Variants in PUM2 observed in about 807,000 individuals in gnomAD.
PUM2 encodes pumilio homolog 2.
PUM2 carries 57 observed loss-of-function variants against 124.5 expected under a neutral mutation model. That is an observed-to-expected ratio of 0.46 (90% confidence interval 0.37 to 0.57). The LOEUF is 0.57. PUM2 is among the 20% of genes least tolerant of loss of function. PUM2 has a pLI of 0.00. For synonymous variants in PUM2, 460 were observed against 446.1 expected, an observed-to-expected ratio of 1.03 and a Z score of -0.39; for missense variants, 1,065 against 1,290.6, an observed-to-expected ratio of 0.83 and a Z score of 2.68.
At chr2:20,336,681 T>TTGTGTG (rs113658730) in intron 1 of PUM2, among the ~76,000 whole-genome samples, 30,168 of 131,412 alleles carry the variant, frequency 0.23, 3,826 homozygotes, top group South Asian at 0.27. Flanking sequence ...CCTGGCTAAT[T>TTGTGTG]TGTGTGTGTG....
At chr2:20,303,846 CTGT>C (rs755089518) in intron 7 of PUM2, among the ~76,000 whole-genome samples, 9 of 152,306 alleles carry the variant, frequency 5.9e-5, no homozygotes, top group Non-Finnish European at 7.4e-5. Context: ...TCACAGCAAT[CTGT>C]TGTTTTAAGA....
chr2:20,350,296 C>G, intron 1 of PUM2: 1 of 233,366 alleles, frequency 4.3e-6, no homozygotes, highest in Non-Finnish European at 7.0e-6. Flanking sequence ...TCCAGCGCGC[C>G]GAATCGGAGG....
At chr2:20,259,055 ATATGATT>A (rs764520482) in intron 15 of PUM2, among the ~76,000 whole-genome samples, 10 of 152,210 alleles carry the variant, frequency 6.6e-5, no homozygotes, top group Non-Finnish European at 1.5e-4. Context: ...CTACATTCTG[ATATGATT>A]GAGGAAAAAA....
chr2:20,269,020 A>G (rs1274018810), intron 13 of PUM2, among the ~76,000 whole-genome samples: 1 of 152,136 alleles, frequency 6.6e-6, no homozygotes, highest in Non-Finnish European at 1.5e-5. Context: ...TATCCAAGAA[A>G]GCACAGCTAA....
intron 13 of PUM2, among the ~76,000 whole-genome samples, chr2:20,273,340 C>G (rs903344445): frequency 5.3e-5 from 8 of 152,122 alleles, no homozygotes; most frequent in Admixed American, 1.3e-4. Flanking sequence ...AAGTCTACTA[C>G]GAGGCATTTT....
intron 13 of PUM2, among the ~76,000 whole-genome samples, chr2:20,265,851 TATC>T (rs1452255473): frequency 7.4e-6 from 1 of 134,502 alleles, no homozygotes; most frequent in East Asian, 2.0e-4. Flanking sequence ...TACTATTTCT[TATC>T]ATTACCTCAA....
chr2:20,292,439 T>C (rs986672049), intron 9 of PUM2, among the ~76,000 whole-genome samples: 1 of 151,956 alleles, frequency 6.6e-6, no homozygotes, highest in Non-Finnish European at 1.5e-5. Flanking sequence ...CTCAGCTCAC[T>C]GCAACCTCTA....
At chr2:20,279,771 A>C (rs1247829964) in intron 12 of PUM2, among the ~76,000 whole-genome samples, 1 of 152,138 alleles carries the variant, frequency 6.6e-6, no homozygotes, top group Non-Finnish European at 1.5e-5. Context: ...GTTAATCAAC[A>C]CCTGTCTGGA....
chr2:20,275,790 A>G (rs897131471), intron 13 of PUM2, among the ~76,000 whole-genome samples: 9 of 152,102 alleles, frequency 5.9e-5, no homozygotes, highest in African/African-American at 2.2e-4. Flanking sequence ...AGAGTGTGGG[A>G]AAATAAATAG....
chr2:20,336,958 G>A (rs989693905), intron 1 of PUM2, among the ~76,000 whole-genome samples: 1 of 151,904 alleles, frequency 6.6e-6, no homozygotes. Flanking sequence ...TTTAAAATGT[G>A]ACATCATCCT....
chr2:20,305,394 C>T (rs1287932055), intron 7 of PUM2, among the ~76,000 whole-genome samples: 2 of 133,598 alleles, frequency 1.5e-5, no homozygotes, highest in African/African-American at 2.8e-5. Context: ...GAAAGGATTG[C>T]TTCAGCCTGG....
At chr2:20,351,830 G>A (rs1573080528), upstream of PUM2, among the ~76,000 whole-genome samples, 2 of 152,180 alleles carry the variant, frequency 1.3e-5, no homozygotes, top group Admixed American at 6.5e-5. Flanking sequence ...GCTCCACGAG[G>A]GCAAGGACCT....
chr2:20,300,429 G>A (rs1327389219), intron 7 of PUM2, among the ~76,000 whole-genome samples: 1 of 152,180 alleles, frequency 6.6e-6, no homozygotes, highest in Non-Finnish European at 1.5e-5. Flanking sequence ...GATTACAGGC[G>A]TGAGCCATAG....
rs1663000912 is a variant in PUM2 at position 20,250,301 on chromosome 2, T to TA, written c.*1283dup. On this transcript the variant is annotated 3_prime_UTR_variant, in exon 21 of 21. Transcript: ENST00000361078. ...AAACCATATAAAGATAAAAAATTTTTAAAAAATCACTCTCGATTTGGAGAA... is the reference window on the plus strand; with the variant it reads ...AAACCATATAAAGATAAAAAATTTTTAAAAAAATCACTCTCGATTTGGAGAA... The TA allele has an allele frequency of 6.6e-6, 1 of 152,570 alleles. No individual in the cohort carries two copies. The highest frequency in any genetic ancestry group is 6.5e-5 in the Admixed American group (1 of 15,290). 9.5% of individuals were successfully genotyped at this position (152,570 alleles called of 1,614,324 possible). A position where few individuals can be genotyped will look rare whatever the true frequency, so the allele number is the denominator to read the frequency against.
At chr2:20,346,716 A>G (rs761628842) in intron 1 of PUM2, among the ~76,000 whole-genome samples, 2 of 152,122 alleles carry the variant, frequency 1.3e-5, no homozygotes, top group African/African-American at 2.4e-5. Flanking sequence ...AATGTAAATA[A>G]TCCTTCCCTA....
intron 15 of PUM2, among the ~76,000 whole-genome samples, chr2:20,258,912 C>T (rs1665507711): frequency 6.6e-6 from 1 of 151,618 alleles, no homozygotes. Flanking sequence ...CATGATCCAC[C>T]CGCCTCGGCC....
intron 13 of PUM2, among the ~76,000 whole-genome samples, chr2:20,264,504 C>T (rs1667191614): frequency 6.7e-6 from 1 of 149,846 alleles, no homozygotes; most frequent in African/African-American, 2.5e-5. Flanking sequence ...AACTTACATT[C>T]CGTTCCAAGA....
chr2:20,300,387 G>A (rs1676686928), intron 7 of PUM2, among the ~76,000 whole-genome samples: 1 of 152,214 alleles, frequency 6.6e-6, no homozygotes, highest in Non-Finnish European at 1.5e-5. Context: ...GACCTCAGGT[G>A]ATCCGCCCGC....
At chr2:20,310,707 C>T (rs1292684272) in intron 5 of PUM2, among the ~76,000 whole-genome samples, 1 of 151,850 alleles carries the variant, frequency 6.6e-6, no homozygotes, top group Admixed American at 6.6e-5. Flanking sequence ...CCACCATATA[C>T]CTAATACTTT....
Sources: gnomAD v4.1 joint callset for allele counts (sites outside exome capture counted in the v4.1 genomes callset) on GRCh38, gnomAD v4.1.1 for gene constraint, MANE v1.5 for transcripts, NCBI Gene and HGNC (gene_info 2026-07-23, HGNC 2026-07-21) for gene names.